Variants in MAP3K21 observed in about 807,000 individuals in gnomAD.
MAP3K21 encodes mitogen-activated protein kinase kinase kinase 21, also known as mitogen-activated protein kinase kinase kinase MLK4.
MAP3K21 carries 63 observed loss-of-function variants against 86.1 expected under a neutral mutation model. That is an observed-to-expected ratio of 0.73 (90% CI 0.60 to 0.90). The LOEUF (loss-of-function observed/expected upper bound fraction) is 0.90, where lower values mean the gene tolerates loss of function less well. MAP3K21 is among the 40% of genes least tolerant of loss of function. The pLI, the probability that MAP3K21 is intolerant of heterozygous loss-of-function variation, is 0.00. For missense variants in MAP3K21, 1,220 were observed against 1,367.7 expected, an observed-to-expected ratio of 0.89 and a Z score of 1.70; for synonymous variants, 558 against 564.8, an observed-to-expected ratio of 0.99 and a Z score of 0.17.
At chr1:233,338,494 C>G (rs755548255) in intron 1 of MAP3K21, among the ~76,000 whole-genome samples, 58 of 152,000 alleles carry the variant, frequency 3.8e-4, no homozygotes, top group Non-Finnish European at 7.8e-4. Context: ...ACTAAAGTTG[C>G]AAAGGAGGAT....
In MAP3K21 at chr1:233,384,750, GTGTT is replaced by G. The variant is rs1418778228; in HGVS notation, c.*2045_*2048del. On this transcript the variant is annotated 3_prime_UTR_variant, in exon 10 of 10. Coordinates refer to ENST00000366624, the MANE Select transcript of MAP3K21 (RefSeq NM_032435.3). Reference sequence around the variant, plus strand: ...GTGTTGGGGAGTGTATGTGATCTGGGTGTTTGTTTATCTCTGTTATTATTCCCCT... The same window carrying G: ...GTGTTGGGGAGTGTATGTGATCTGGGTGTTTATCTCTGTTATTATTCCCCT... 6.6e-6 allele frequency: 1 copy of G among 152,052 alleles called. No individual in the cohort carries two copies. The highest frequency in any genetic ancestry group is 1.5e-5 in the Non-Finnish European group (1 of 68,004). 9.4% of individuals were successfully genotyped at this position (152,052 alleles called of 1,614,324 possible). A position where few individuals can be genotyped will look rare whatever the true frequency, so the allele number is the denominator to read the frequency against.
intron 2 of MAP3K21, among the ~76,000 whole-genome samples, chr1:233,348,322 C>G (rs937900667): frequency 6.6e-6 from 1 of 152,188 alleles, no homozygotes; most frequent in Non-Finnish European, 1.5e-5. Flanking sequence ...TCAATACCTC[C>G]TTCATTTTTA....
At chr1:233,373,985 G>A (rs1663737599) in intron 6 of MAP3K21, 1 of 138,796 alleles carries the variant, frequency 7.2e-6, no homozygotes, top group Non-Finnish European at 1.6e-5. Context: ...GTGTAGATCA[G>A]TCAGTCAGTC....
chr1:233,363,452 C>A (rs1294258), intron 5 of MAP3K21, among the ~76,000 whole-genome samples: 13,143 of 152,152 alleles, frequency 0.086, 657 homozygotes, highest in Middle Eastern at 0.15. Context: ...AATCGCGGCA[C>A]TTTGGTTAGC....
At chr1:233,370,134 T>TGA (rs1663656354) in intron 5 of MAP3K21, among the ~76,000 whole-genome samples, 1 of 152,170 alleles carries the variant, frequency 6.6e-6, no homozygotes, top group Non-Finnish European at 1.5e-5. Flanking sequence ...GACATGGTGA[T>TGA]TGGCCGTGCA....
At chr1:233,346,110 T>C (rs1157941048) in intron 1 of MAP3K21, among the ~76,000 whole-genome samples, 1 of 152,230 alleles carries the variant, frequency 6.6e-6, no homozygotes, top group Non-Finnish European at 1.5e-5. Context: ...GAAAATAATG[T>C]ATTTTTTCAT....
intron 6 of MAP3K21, chr1:233,375,652 T>C (rs1663778872): frequency 2.1e-6 from 1 of 468,232 alleles, no homozygotes; most frequent in South Asian, 3.8e-5. Context: ...GCTAAATAAA[T>C]AGATTAAAAA....
intron 1 of MAP3K21, among the ~76,000 whole-genome samples, chr1:233,345,969 A>G (rs1298056670): frequency 6.6e-6 from 1 of 152,206 alleles, no homozygotes; most frequent in Non-Finnish European, 1.5e-5. Context: ...CATTATCTTT[A>G]TCAGTTAAAG....
At position 233,338,076 on chromosome 1, in the gene MAP3K21, C is replaced by T. The variant is rs114795075; in HGVS notation, c.806-8366C>T. On this transcript the variant is annotated intron_variant, in intron 1 of 9. Coordinates refer to ENST00000366624, the MANE Select transcript of MAP3K21 (RefSeq NM_032435.3). ...ATTATGTACCTTGACTATTAAAATA[C>T]TAACATGATAGAAATTTAGAGCTAG... Among the ~76,000 whole-genome samples the T allele has an allele frequency of 9.8e-3, 1,493 of 152,268 alleles. 32 individuals carry two copies. Among genetic ancestry groups the T allele is most frequent in the African/African-American group, 0.034 (1,422 of 41,552 alleles).
chr1:233,367,241 A>C (rs1307758369), intron 5 of MAP3K21, among the ~76,000 whole-genome samples: 1 of 152,212 alleles, frequency 6.6e-6, no homozygotes, highest in Admixed American at 6.5e-5. Context: ...AGAAGGGTGG[A>C]TGGGAGAGAG....
Position 233,375,156 on chromosome 1 carries a change from C to G in MAP3K21, c.1676-760C>G, listed in dbSNP as rs151140695. Among the ~76,000 whole-genome samples, 49 of 152,088 alleles carry G rather than the reference C, an allele frequency of 3.2e-4. No individual in the cohort carries two copies. The East Asian group carries it at 8.5e-3, about 26-fold the overall frequency. ...ACCGGGTTTCACCATGTTGGCCAGG[C>G]TGGTCTCGAAGTCCTGACCTTGTGT... is the stretch of plus-strand genomic sequence containing the variant. On this transcript the variant is annotated intron_variant, in intron 6 of 9. Coordinates refer to ENST00000366624, the MANE Select transcript of MAP3K21 (RefSeq NM_032435.3).
At chr1:233,331,926 G>A (rs931985579) in intron 1 of MAP3K21, among the ~76,000 whole-genome samples, 4 of 152,176 alleles carry the variant, frequency 2.6e-5, no homozygotes, top group African/African-American at 9.7e-5. Context: ...CAACATTTAT[G>A]TTTTAAATAA....
At chr1:233,377,428 C>T (rs760785101) in intron 8 of MAP3K21, among the ~76,000 whole-genome samples, 3 of 152,332 alleles carry the variant, frequency 2.0e-5, no homozygotes, top group Non-Finnish European at 4.4e-5. Flanking sequence ...AGCACCTTTG[C>T]ACTCACTACC....
chr1:233,382,218 T>A, intron 9 of MAP3K21, 87 bp from the exon 10 acceptor site: 1 of 1,156,254 alleles, frequency 8.6e-7, no homozygotes, highest in African/African-American at 1.5e-5. Flanking sequence ...CTTTGTTGAA[T>A]TGCCATCATA....
In MAP3K21 at chr1:233,382,770, A is replaced by G. The variant is rs1469051137; in HGVS notation, c.*59A>G. ...TAAGGTGAACAAATGAACACAATGTATCTACCTTTGAACTGTTTCATGCTG... is the reference window on the plus strand; with the variant it reads ...TAAGGTGAACAAATGAACACAATGTGTCTACCTTTGAACTGTTTCATGCTG... On this transcript the variant is annotated 3_prime_UTR_variant, in exon 10 of 10. Coordinates refer to ENST00000366624, the MANE Select transcript of MAP3K21 (RefSeq NM_032435.3). The G allele has an allele frequency of 6.9e-7, 1 of 1,447,412 alleles. No homozygotes were observed. The highest frequency in any genetic ancestry group is 9.5e-7 in the Non-Finnish European group (1 of 1,047,516). 89.7% of individuals were successfully genotyped at this position (1,447,412 alleles called of 1,614,324 possible).
intron 4 of MAP3K21, among the ~76,000 whole-genome samples, chr1:233,355,893 C>T (rs955381967): frequency 1.3e-5 from 2 of 152,178 alleles, no homozygotes; most frequent in African/African-American, 4.8e-5. Context: ...TCCCCTTCTC[C>T]TTCTAAAATG....
intron 1 of MAP3K21, among the ~76,000 whole-genome samples, chr1:233,339,371 TCTC>T (rs143403314): frequency 0.37 from 27,847 of 74,976 alleles, 4,713 homozygotes; most frequent in East Asian, 0.53. Flanking sequence ...TTCTCCTCCT[TCTC>T]CTTCTTCTCC....
In MAP3K21 at chr1:233,382,401, A is replaced by G; in HGVS notation, c.2801A>G (p.Lys934Arg). The change falls in exon 10 of 10, where the codon AAG (lysine) becomes AGG (arginine). Residue 934 changes from lysine to arginine, a missense_variant. Physicochemically the swap from Lys to Arg is conservative, Grantham distance 26. Coordinates refer to ENST00000366624, the MANE Select transcript of MAP3K21 (RefSeq NM_032435.3). The stretch of plus-strand genomic sequence containing the variant: ...CATCTGCCAAGGGAGGTCTCACCCA[A>G]GAAGCACAGCACTGTCCACATCGTG... ...HSHLPREVSP[K>R]KHSTVHIVPQ... is the part of the protein sequence containing the mutation. The G allele has an allele frequency of 6.2e-7, 1 of 1,614,064 alleles. No homozygotes were observed. The highest frequency in any genetic ancestry group is 8.5e-7 in the Non-Finnish European group (1 of 1,179,992).
intron 5 of MAP3K21, among the ~76,000 whole-genome samples, chr1:233,369,552 C>T (rs1663645369): frequency 6.6e-6 from 1 of 152,062 alleles, no homozygotes; most frequent in Non-Finnish European, 1.5e-5. Flanking sequence ...GCACACTGCC[C>T]TATGGGCCCA....
Sources: gnomAD v4.1 joint callset for allele counts (sites outside exome capture counted in the v4.1 genomes callset) on GRCh38, gnomAD v4.1.1 for gene constraint, MANE v1.5 for transcripts, NCBI Gene and HGNC (gene_info 2026-07-23, HGNC 2026-07-21) for gene names.